SUMO2: variants seen among roughly 807,000 people sequenced by gnomAD.
SUMO2 encodes the protein small ubiquitin like modifier 2.
SUMO2 carries 1 observed loss-of-function variant against 16.0 expected under a neutral mutation model. The observed-to-expected ratio is 0.06, with a 90% confidence interval of 0.02 to 0.30. The LOEUF is 0.30. Among genes scored for constraint, SUMO2 ranks in the 10% least tolerant of loss-of-function variants. The probability of loss-of-function intolerance (pLI) is 1.00; values close to 1 mark genes in which losing one functional copy is unlikely to be tolerated. For synonymous variants in SUMO2, 36 were observed against 40.6 expected, an observed-to-expected ratio of 0.89 and a Z score of 0.43; for missense variants, 16 against 117.5, an observed-to-expected ratio of 0.14 and a Z score of 3.99.
chr17:75,172,464 C>T (rs1316759295), intron 3 of SUMO2, among the ~76,000 whole-genome samples: 2 of 149,798 alleles, frequency 1.3e-5, no homozygotes, highest in Admixed American at 6.7e-5. Context: ...GGACTACAGG[C>T]GTGCACCATC....
intron 2 of SUMO2, among the ~76,000 whole-genome samples, chr17:75,180,581 G>A (rs963485201): frequency 2.6e-5 from 4 of 151,618 alleles, no homozygotes; most frequent in South Asian, 2.1e-4. Flanking sequence ...GGCCAGGCCT[G>A]GTAGTGGGCA....
chr17:75,179,518 ACT>A (rs1415681761), intron 2 of SUMO2, among the ~76,000 whole-genome samples: 2 of 133,202 alleles, frequency 1.5e-5, no homozygotes, highest in Admixed American at 8.2e-5. Flanking sequence ...ACAGAGCGAG[ACT>A]CTGTCTCAAA....
chr17:75,182,449 T>TGTC (rs1405000709), intron 1 of SUMO2: 1 of 170,580 alleles, frequency 5.9e-6, no homozygotes, highest in East Asian at 1.6e-4. Flanking sequence ...CGACGCGGGG[T>TGTC]CGACAGAAGG....
chr17:75,168,684 C>T (rs1182143637), intron 3 of SUMO2, among the ~76,000 whole-genome samples: 5 of 151,986 alleles, frequency 3.3e-5, no homozygotes, highest in Admixed American at 6.6e-5. Flanking sequence ...CTCACTGCAA[C>T]GTCCACCCCT....
chr17:75,181,551 C>T (rs2074829034), intron 1 of SUMO2, among the ~76,000 whole-genome samples: 1 of 152,168 alleles, frequency 6.6e-6, no homozygotes, highest in South Asian at 2.1e-4. Context: ...AGAGTCCCTT[C>T]TCTTTTCTAA....
chr17:75,169,385 A>AC (rs1052344974), intron 3 of SUMO2, among the ~76,000 whole-genome samples: 1 of 141,854 alleles, frequency 7.0e-6, no homozygotes, highest in African/African-American at 2.6e-5. Context: ...TTAAAAAAAA[A>AC]TTTTTTTTTT....
intron 2 of SUMO2, among the ~76,000 whole-genome samples, 175 bp downstream of exon 2, chr17:75,180,882 C>T (rs1023733772): frequency 3.3e-5 from 5 of 151,988 alleles, no homozygotes; most frequent in African/African-American, 1.2e-4. Context: ...CCAAATCATC[C>T]TAAGGGTTTT....
At chr17:75,172,921 C>T (rs1367015133) in intron 3 of SUMO2, among the ~76,000 whole-genome samples, 1 of 152,068 alleles carries the variant, frequency 6.6e-6, no homozygotes, top group African/African-American at 2.4e-5. Context: ...GCACCTGGCC[C>T]GTAATTCCTT....
chr17:75,172,530 G>A (rs1410833205), intron 3 of SUMO2, among the ~76,000 whole-genome samples: 2 of 144,974 alleles, frequency 1.4e-5, no homozygotes, highest in Admixed American at 7.2e-5. Context: ...ACCCATGCTC[G>A]AGTGCAATGG....
At chr17:75,173,477 A>G (rs899324) in intron 3 of SUMO2, among the ~76,000 whole-genome samples, 138,264 of 148,702 alleles carry the variant, frequency 0.93, 64,358 homozygotes, top group South Asian at 0.98. Context: ...ACTGGAAGTC[A>G]TTTTTTTTTT....
rs200199376 is a variant in SUMO2, at chr17:75,181,700, C to CA, written c.22-513dup. On this transcript the variant is annotated intron_variant, in intron 1 of 3. Transcript: ENST00000420826. ...ATCTCCATTAAAGGAAACACACAAACAAAAAAAACAATCGAAGAATATCCC... is the reference window on the plus strand; with the variant it reads ...ATCTCCATTAAAGGAAACACACAAACAAAAAAAAACAATCGAAGAATATCCC... 1.4e-3 allele frequency among the ~76,000 whole-genome samples: 214 copies of CA among 151,788 alleles called. 1 individual carries two copies. The highest frequency in any genetic ancestry group is 4.5e-3 in the African/African-American group (188 of 41,390).
chr17:75,178,824 G>C (rs1241498121), intron 2 of SUMO2, among the ~76,000 whole-genome samples: 1 of 150,602 alleles, frequency 6.6e-6, no homozygotes, highest in African/African-American at 2.4e-5. Flanking sequence ...GGTGGTTCAC[G>C]AGGTCCTGTA....
In SUMO2 at chr17:75,180,832, T is replaced by TG. The variant is rs1462978978; in HGVS notation, c.153+224dup. Among the ~76,000 whole-genome samples the TG allele has an allele frequency of 2.8e-4, 42 of 152,188 alleles. 1 individual carries two copies. Among genetic ancestry groups the TG allele is most frequent in the Admixed American group, 2.8e-3 (42 of 15,262 alleles). On this transcript the variant is annotated intron_variant, in intron 2 of 3. Transcript: ENST00000420826. ...AAAAATTATTGTAAATATAATTTGA[T>TG]GGATTTCTGGCACAGGACTGGAACC...
At position 75,166,905 on chromosome 17, in the gene SUMO2, C is replaced by T. The variant is rs2074697322; in HGVS notation, c.*1434G>A. 1 of 151,890 alleles carries T rather than the reference C, an allele frequency of 6.6e-6. No homozygotes were observed. Among genetic ancestry groups the T allele is most frequent in the African/African-American group, 2.4e-5 (1 of 41,328 alleles). 9.4% of individuals were successfully genotyped at this position (151,890 alleles called of 1,614,324 possible). A position where few individuals can be genotyped will look rare whatever the true frequency, so the allele number is the denominator to read the frequency against. On this transcript the variant is annotated 3_prime_UTR_variant, in exon 4 of 4. Coordinates refer to ENST00000420826, the MANE Select transcript of SUMO2 (RefSeq NM_006937.4). ...CCTGGGAGACGGAATGATGCTCCAT[C>T]TCAAAAAACCACCACCAAAAGAAAC...
At chr17:75,171,113 G>A (rs985812167) in intron 3 of SUMO2, among the ~76,000 whole-genome samples, 1 of 150,344 alleles carries the variant, frequency 6.7e-6, no homozygotes, top group African/African-American at 2.4e-5. Flanking sequence ...GCAGCTTATT[G>A]TATGACTACA....
chr17:75,176,012 A>G (rs974946174), intron 2 of SUMO2, among the ~76,000 whole-genome samples: 1 of 151,344 alleles, frequency 6.6e-6, no homozygotes, highest in Non-Finnish European at 1.5e-5. Context: ...CCTTGAGACA[A>G]ATATGCATTT....
intron 1 of SUMO2, chr17:75,182,609 A>C: frequency 2.1e-5 from 7 of 325,700 alleles, no homozygotes; most frequent in East Asian, 1.1e-4. Context: ...CGGGGGCGGG[A>C]GAGAGCGGCG....
rs2074696718 is a variant in SUMO2, at chr17:75,166,813, CAGG to C, written c.*1523_*1525del. 1 of 145,854 alleles carries C rather than the reference CAGG, an allele frequency of 6.9e-6. No individual in the cohort carries two copies. Among genetic ancestry groups the C allele is most frequent in the Admixed American group, 6.8e-5 (1 of 14,626 alleles). The allele number at this position is 145,854 out of a possible 1,614,324, so 9.0% of individuals were successfully genotyped here. A position where few individuals can be genotyped will look rare whatever the true frequency, so the allele number is the denominator to read the frequency against. ...AAAGACCTAAGACGGGAGGCTGAGG[CAGG>C]AGAATGGCGTGAACCCGGGAGGCGG... On this transcript the variant is annotated 3_prime_UTR_variant, in exon 4 of 4. Coordinates refer to ENST00000420826, the MANE Select transcript of SUMO2 (RefSeq NM_006937.4).
intron 2 of SUMO2, 32 bp downstream of exon 2, chr17:75,181,024 TA>T: frequency 6.2e-7 from 1 of 1,609,018 alleles, no homozygotes; most frequent in African/African-American, 1.3e-5. Context: ...AAAATAGTTT[TA>T]TTCAGTGGAA....
Sources: allele counts gnomAD v4.1 joint callset (sites outside exome capture counted in the v4.1 genomes callset), GRCh38; gene constraint gnomAD v4.1.1; transcripts MANE v1.5; gene names NCBI Gene and HGNC (gene_info 2026-07-23, HGNC 2026-07-21).